The following AUTS2 variants were observed in gnomAD, a reference collection of about 807,000 sequenced individuals.
AUTS2 encodes activator of transcription and developmental regulator AUTS2, also known as autism susceptibility gene 2 protein.
AUTS2 carries 17 observed loss-of-function variants against 112.4 expected under a neutral mutation model. The ratio of observed to expected loss-of-function variants is 0.15; its 90% CI spans 0.10 to 0.23. The LOEUF (loss-of-function observed/expected upper bound fraction) is 0.23, where lower values mean the gene tolerates loss of function less well. Among genes scored for constraint, AUTS2 ranks in the 10% least tolerant of loss-of-function variants. The pLI is 1.00. For missense variants in AUTS2, 1,510 were observed against 1,701.6 expected, an observed-to-expected ratio of 0.89 and a Z score of 1.98; for synonymous variants, 751 against 702.7, an observed-to-expected ratio of 1.07 and a Z score of -1.09.
At chr7:70,042,500 A>G (rs962610407) in intron 2 of AUTS2, among the ~76,000 whole-genome samples, 24 of 152,124 alleles carry the variant, frequency 1.6e-4, no homozygotes, top group African/African-American at 5.6e-4. Flanking sequence ...TTAAATGTGT[A>G]AAAAAATTGT....
chr7:69,949,942 A>T (rs1362128159), intron 2 of AUTS2, among the ~76,000 whole-genome samples: 2 of 152,166 alleles, frequency 1.3e-5, no homozygotes, highest in South Asian at 2.1e-4. Context: ...TCTAATTATG[A>T]TCTTAACTCT....
intron 2 of AUTS2, among the ~76,000 whole-genome samples, chr7:69,980,729 TAAA>T (rs908840087): frequency 6.6e-6 from 1 of 150,602 alleles, no homozygotes. Context: ...CCTTGGGAAT[TAAA>T]AAAAAAATTG....
intron 5 of AUTS2, among the ~76,000 whole-genome samples, chr7:70,544,852 G>A (rs763813775): frequency 2.0e-5 from 3 of 152,032 alleles, no homozygotes; most frequent in Non-Finnish European, 4.4e-5. Context: ...CCATGAAGAC[G>A]GCTTATTTAC....
At chr7:70,054,366 C>T (rs1439822354) in intron 2 of AUTS2, among the ~76,000 whole-genome samples, 1 of 151,878 alleles carries the variant, frequency 6.6e-6, no homozygotes, top group Non-Finnish European at 1.5e-5. Flanking sequence ...TTTATTTCTC[C>T]TTGCTTCTTT....
At position 70,674,216 on chromosome 7, in the gene AUTS2, A is replaced by G. The variant is rs74633066; in HGVS notation, c.691-24353A>G. Among the ~76,000 whole-genome samples the G allele has an allele frequency of 5.3e-3, 810 of 152,336 alleles. 11 individuals are homozygous for G. Among genetic ancestry groups the G allele is most frequent in the African/African-American group, 0.018 (763 of 41,582 alleles). ...AGAAAGGAATGTTCAGGCATTGGTT[A>G]AAATAGGTGTCCTAGCCTCTTGTCA... is the stretch of plus-strand genomic sequence containing the variant. On this transcript the variant is annotated intron_variant, in intron 5 of 18. Coordinates refer to ENST00000342771, the MANE Select transcript of AUTS2 (RefSeq NM_015570.4).
intron 4 of AUTS2, among the ~76,000 whole-genome samples, chr7:70,398,016 T>A: frequency 6.6e-6 from 1 of 152,248 alleles, no homozygotes; most frequent in South Asian, 2.1e-4. Flanking sequence ...TGTTTGCTTA[T>A]GGATATTAAA....
At chr7:70,676,339 G>A (rs559510008) in intron 5 of AUTS2, among the ~76,000 whole-genome samples, 1 of 152,154 alleles carries the variant, frequency 6.6e-6, no homozygotes, top group African/African-American at 2.4e-5. Flanking sequence ...GGCTGAGGTG[G>A]GAAGATGGCT....
chr7:70,458,352 C>T (rs1180808590), intron 5 of AUTS2, among the ~76,000 whole-genome samples: 1 of 152,206 alleles, frequency 6.6e-6, no homozygotes, highest in Non-Finnish European at 1.5e-5. Flanking sequence ...GAGCATTGCG[C>T]CTGGCTCCCC....
intron 1 of AUTS2, among the ~76,000 whole-genome samples, chr7:69,638,564 C>G (rs555835937): frequency 3.9e-5 from 6 of 152,112 alleles, no homozygotes; most frequent in African/African-American, 1.4e-4. Flanking sequence ...TCTTTTTTTC[C>G]TCTGTTTGGA....
chr7:69,865,242 G>T (rs532231023), intron 1 of AUTS2, among the ~76,000 whole-genome samples: 2 of 152,204 alleles, frequency 1.3e-5, no homozygotes, highest in East Asian at 3.9e-4. Flanking sequence ...AAGGGTTTCT[G>T]TGAGACAATA....
At chr7:70,061,719 CTATT>C (rs1305407836) in intron 2 of AUTS2, among the ~76,000 whole-genome samples, 7 of 151,500 alleles carry the variant, frequency 4.6e-5, no homozygotes, top group African/African-American at 9.7e-5. Context: ...AATGGATTAA[CTATT>C]TATTTGGTGA....
chr7:70,693,384 C>T (rs12698914), intron 5 of AUTS2, among the ~76,000 whole-genome samples: 1,530 of 152,324 alleles, frequency 0.01, 12 homozygotes, highest in Middle Eastern at 0.027. Context: ...TCGGTGAATG[C>T]CAGGGGAAGC....
intron 2 of AUTS2, among the ~76,000 whole-genome samples, chr7:70,085,749 C>T (rs1184411745): frequency 6.6e-6 from 1 of 152,146 alleles, no homozygotes; most frequent in Non-Finnish European, 1.5e-5. Context: ...CCTTTGCATC[C>T]TTGTCAAAAA....
At chr7:70,710,678 ATT>A (rs1355971985) in intron 6 of AUTS2, among the ~76,000 whole-genome samples, 2 of 152,196 alleles carry the variant, frequency 1.3e-5, no homozygotes, top group African/African-American at 2.4e-5. Context: ...GGCTGAACTA[ATT>A]TGATTGTTAC....
rs1016019560 is a variant in AUTS2, at chr7:69,771,844, G to A, written c.310-127442G>A. Among the ~76,000 whole-genome samples the A allele has an allele frequency of 2.0e-5, 3 of 151,554 alleles. No individual in the cohort carries two copies. In the East Asian group the frequency reaches 5.8e-4, roughly 29 times the overall value. On this transcript the variant is annotated intron_variant, in intron 1 of 18. Transcript: ENST00000342771. ...TTGTTGCACAGGCTGGAGTGCAATG[G>A]CGCGATCTCGGCTCACTGCAACCTC...
At chr7:70,661,805 G>T (rs1807090520) in intron 5 of AUTS2, among the ~76,000 whole-genome samples, 1 of 152,152 alleles carries the variant, frequency 6.6e-6, no homozygotes, top group Non-Finnish European at 1.5e-5. Flanking sequence ...CCTCTGCACA[G>T]GCCCAGCACT....
intron 5 of AUTS2, among the ~76,000 whole-genome samples, chr7:70,542,128 G>C (rs2129505564): frequency 6.6e-6 from 1 of 152,144 alleles, no homozygotes; most frequent in South Asian, 2.1e-4. Context: ...ATGTCTCACT[G>C]AATACAGACC....
chr7:69,878,868 A>G (rs1216231116), intron 1 of AUTS2, among the ~76,000 whole-genome samples: 1 of 152,160 alleles, frequency 6.6e-6, no homozygotes, highest in African/African-American at 2.4e-5. Context: ...CGCTCTTAAG[A>G]TAGGGTGTCC....
intron 1 of AUTS2, among the ~76,000 whole-genome samples, chr7:69,715,082 G>A (rs1798537175): frequency 6.6e-6 from 1 of 151,898 alleles, no homozygotes; most frequent in Non-Finnish European, 1.5e-5. Flanking sequence ...CACCTTTGCA[G>A]CCAAGTTTCA....
Sources: gnomAD v4.1 joint callset for allele counts (sites outside exome capture counted in the v4.1 genomes callset) on GRCh38, gnomAD v4.1.1 for gene constraint, MANE v1.5 for transcripts, NCBI Gene and HGNC (gene_info 2026-07-23, HGNC 2026-07-21) for gene names.